The following SLC13A3 variants were observed in gnomAD, a reference collection of about 807,000 sequenced individuals.
SLC13A3 encodes the protein solute carrier family 13 member 3, also known as Na(+)/dicarboxylate cotransporter 3.
Under a neutral mutation model 59.0 loss-of-function variants are expected in SLC13A3, and 40 were observed. That is an observed-to-expected ratio of 0.68 (90% CI 0.53 to 0.88). The LOEUF (loss-of-function observed/expected upper bound fraction) is 0.88, where lower values mean the gene tolerates loss of function less well. Among genes scored for constraint, SLC13A3 ranks in the 40% least tolerant of loss-of-function variants. The probability of loss-of-function intolerance (pLI) is 0.00; values close to 1 mark genes in which losing one functional copy is unlikely to be tolerated. For missense variants in SLC13A3, 699 were observed against 783.2 expected (o/e 0.89, Z 1.28); for synonymous variants, 317 against 330.3 (o/e 0.96, Z 0.44).
intron 1 of SLC13A3, among the ~76,000 whole-genome samples, chr20:46,658,992 C>T (rs1028577126): frequency 1.3e-5 from 2 of 152,176 alleles, no homozygotes; most frequent in African/African-American, 4.8e-5. Context: ...TTCTTATGCT[C>T]AAAGTTTGTA....
intron 4 of SLC13A3, among the ~76,000 whole-genome samples, chr20:46,596,671 G>A (rs1304945855): frequency 2.6e-5 from 4 of 152,184 alleles, no homozygotes; most frequent in Non-Finnish European, 5.9e-5. Flanking sequence ...GCTATTAAAT[G>A]GATGCTTACT....
intron 4 of SLC13A3, among the ~76,000 whole-genome samples, chr20:46,599,271 C>T (rs143769460): frequency 3.9e-5 from 6 of 152,332 alleles, no homozygotes; most frequent in African/African-American, 1.2e-4. Flanking sequence ...TGAAATAGAC[C>T]GGATCAATGC....
chr20:46,633,729 TG>T (rs1739126883), intron 1 of SLC13A3, among the ~76,000 whole-genome samples: 8 of 152,226 alleles, frequency 5.3e-5, no homozygotes, highest in Admixed American at 5.2e-4. Flanking sequence ...TGTTTATGGG[TG>T]GCTTGGTTTA....
intron 12 of SLC13A3, 74 bp from the exon 13 acceptor site, chr20:46,560,272 G>C: frequency 7.0e-7 from 1 of 1,438,630 alleles, no homozygotes; most frequent in Non-Finnish European, 9.7e-7. Context: ...CAGACTCAGA[G>C]ACAGGAAGTC....
intron 1 of SLC13A3, among the ~76,000 whole-genome samples, chr20:46,615,336 A>C (rs1012509838): frequency 2.6e-5 from 4 of 152,176 alleles, no homozygotes; most frequent in Non-Finnish European, 5.9e-5. Context: ...CACCATCCTA[A>C]GAGCCACCCT....
intron 9 of SLC13A3, among the ~76,000 whole-genome samples, chr20:46,578,669 C>T (rs939555408): frequency 1.1e-4 from 16 of 152,026 alleles, no homozygotes; most frequent in African/African-American, 3.4e-4. Context: ...GAGCAAGACC[C>T]TGTCTTAAAA....
At chr20:46,675,405 C>CTTTT (rs1057001519) in intron 1 of SLC13A3, among the ~76,000 whole-genome samples, 3 of 112,664 alleles carry the variant, frequency 2.7e-5, no homozygotes, top group Non-Finnish European at 3.7e-5. Context: ...AATTTTTTTT[C>CTTTT]TTTTTTTTTT....
At chr20:46,607,828 C>CG (rs1397060753) in intron 3 of SLC13A3, among the ~76,000 whole-genome samples, 2 of 152,310 alleles carry the variant, frequency 1.3e-5, no homozygotes, top group South Asian at 4.1e-4. Flanking sequence ...AACTGCGTAA[C>CG]GGGGGGTGGG....
At chr20:46,573,247 A>C (rs2062045839) in intron 10 of SLC13A3, among the ~76,000 whole-genome samples, 1 of 152,150 alleles carries the variant, frequency 6.6e-6, no homozygotes, top group Admixed American at 6.5e-5. Context: ...TGCCCCAGCT[A>C]AGGGAGTGCA....
chr20:46,564,553 A>G (rs964328644), intron 11 of SLC13A3, among the ~76,000 whole-genome samples: 2 of 152,138 alleles, frequency 1.3e-5, no homozygotes, highest in African/African-American at 2.4e-5. Context: ...GCTGGGTTCT[A>G]TGCTCCGTCT....
intron 10 of SLC13A3, among the ~76,000 whole-genome samples, chr20:46,575,004 G>A (rs1374375431): frequency 6.6e-6 from 1 of 151,894 alleles, no homozygotes; most frequent in Non-Finnish European, 1.5e-5. Flanking sequence ...AGCTGGGCAT[G>A]GGGAGGCATC....
intron 3 of SLC13A3, chr20:46,609,120 T>A: frequency 6.7e-7 from 1 of 1,490,386 alleles, no homozygotes; most frequent in Non-Finnish European, 8.9e-7. Context: ...CACATATGTA[T>A]CAATTCAAAT....
At chr20:46,585,617 G>T in intron 8 of SLC13A3, 1 of 1,255,304 alleles carries the variant, frequency 8.0e-7, no homozygotes. Flanking sequence ...TGATCACAAT[G>T]TAGAACAGTT....
upstream of SLC13A3, among the ~76,000 whole-genome samples, chr20:46,674,039 G>T (rs58296647): frequency 0.084 from 12,776 of 152,128 alleles, 904 homozygotes; most frequent in African/African-American, 0.19. Context: ...AGCATGTCAC[G>T]TGGAACTTAG....
At chr20:46,682,958 T>C (rs1429436766) in intron 1 of SLC13A3, among the ~76,000 whole-genome samples, 2 of 152,142 alleles carry the variant, frequency 1.3e-5, no homozygotes, top group Non-Finnish European at 2.9e-5. Flanking sequence ...ACTGTTCACC[T>C]AGGAACATTT....
intron 1 of SLC13A3, among the ~76,000 whole-genome samples, chr20:46,627,569 A>G (rs1020615192): frequency 3.3e-5 from 5 of 152,002 alleles, no homozygotes; most frequent in Non-Finnish European, 5.9e-5. Context: ...TTTTGCTTCT[A>G]TGTGAAATCT....
At chr20:46,594,052 C>T in intron 5 of SLC13A3, among the ~76,000 whole-genome samples, 1 of 152,074 alleles carries the variant, frequency 6.6e-6, no homozygotes, top group East Asian at 1.9e-4. Flanking sequence ...CCAGGCTTCT[C>T]CTGTTCTCAG....
At chr20:46,561,620 A>G (rs2061931195) in intron 12 of SLC13A3, among the ~76,000 whole-genome samples, 1 of 151,670 alleles carries the variant, frequency 6.6e-6, no homozygotes, top group African/African-American at 2.4e-5. Flanking sequence ...GATGCACTGG[A>G]AACATTTCTT....
At chr20:46,591,510 T>C (rs1009289534) in intron 6 of SLC13A3, among the ~76,000 whole-genome samples, 2 of 152,264 alleles carry the variant, frequency 1.3e-5, no homozygotes, top group Non-Finnish European at 2.9e-5. Flanking sequence ...ATATTTTGGC[T>C]AGTTATCATT....
Sources: gnomAD v4.1 joint callset for allele counts (sites outside exome capture counted in the v4.1 genomes callset) on GRCh38, gnomAD v4.1.1 for gene constraint, MANE v1.5 for transcripts, NCBI Gene and HGNC (gene_info 2026-07-23, HGNC 2026-07-21) for gene names.